Variants in FAM204A observed in about 807,000 individuals in gnomAD.
FAM204A encodes protein FAM204A.
Under a neutral mutation model 35.4 loss-of-function variants are expected in FAM204A, and 16 were observed. That is an observed-to-expected ratio of 0.45 (90% confidence interval 0.31 to 0.69). The LOEUF is 0.69. Among genes scored for constraint, FAM204A ranks in the 30% least tolerant of loss-of-function variants. The probability of loss-of-function intolerance (pLI) is 0.07; values close to 1 mark genes in which losing one functional copy is unlikely to be tolerated. For synonymous variants in FAM204A, 76 were observed against 86.9 expected, an observed-to-expected ratio of 0.88 and a Z score of 0.70; for missense variants, 240 against 265.7, an observed-to-expected ratio of 0.90 and a Z score of 0.67.
intron 4 of FAM204A, 30 bp downstream of exon 4, chr10:118,335,524 C>T (rs753394196): frequency 8.1e-5 from 130 of 1,597,002 alleles, no homozygotes; most frequent in Non-Finnish European, 9.6e-5. Context: ...AGCATTAGCA[C>T]GACGAACAAC....
chr10:118,336,086 T>A, intron 3 of FAM204A, 96 bp downstream of exon 3: 1 of 1,404,168 alleles, frequency 7.1e-7, no homozygotes, highest in Non-Finnish European at 9.6e-7. Flanking sequence ...CCCTGTTAAG[T>A]CCCAAGAATA....
At position 118,306,929 on chromosome 10, in the gene FAM204A, T is replaced by A. The variant is rs145754048; in HGVS notation, c.*3928A>T. 4.8e-4 allele frequency: 73 copies of A among 152,208 alleles called. No individual in the cohort carries two copies. Among genetic ancestry groups the A allele is most frequent in the African/African-American group, 1.7e-3 (72 of 41,524 alleles). The allele number at this position is 152,208 out of a possible 1,614,324, so 9.4% of individuals were successfully genotyped here. A position where few individuals can be genotyped will look rare whatever the true frequency, so the allele number is the denominator to read the frequency against. ...CAAGCAGTGTGGAGGGAGGATGAAA[T>A]AATAAAGATTAAAGAATGCAGTTCT... On this transcript the variant is annotated 3_prime_UTR_variant, in exon 9 of 9. Coordinates refer to ENST00000369183, the MANE Select transcript of FAM204A (RefSeq NM_022063.3).
chr10:118,339,284 G>C (rs1846436763), intron 2 of FAM204A, among the ~76,000 whole-genome samples: 1 of 152,190 alleles, frequency 6.6e-6, no homozygotes, highest in South Asian at 2.1e-4. Flanking sequence ...CCAATATGGA[G>C]TGGCTGCTTA....
In FAM204A at chr10:118,308,962, C is replaced by T. The variant is rs1251001483; in HGVS notation, c.*1895G>A. 7 of 151,900 alleles carry T rather than the reference C, an allele frequency of 4.6e-5. No individual in the cohort carries two copies. In the East Asian group the frequency reaches 5.8e-4, roughly 13 times the overall value. The allele number at this position is 151,900 out of a possible 1,614,324, so 9.4% of individuals were successfully genotyped here. A position where few individuals can be genotyped will look rare whatever the true frequency, so the allele number is the denominator to read the frequency against. On this transcript the variant is annotated 3_prime_UTR_variant, in exon 9 of 9. Transcript: ENST00000369183. ...CAAGTGTGAGAATATCTATACCACTCGCCTGCTCAAAAATAACATTTTTAG... is the reference window on the plus strand; with the variant it reads ...CAAGTGTGAGAATATCTATACCACTTGCCTGCTCAAAAATAACATTTTTAG...
chr10:118,298,582 C>T lies in FAM204A; in HGVS notation c.*12275G>A, dbSNP rs1845774007. On this transcript the variant is annotated 3_prime_UTR_variant, in exon 9 of 9. Coordinates refer to ENST00000369183, the MANE Select transcript of FAM204A (RefSeq NM_022063.3). Reference sequence around the variant, plus strand: ...TAGAACTCCATTTTACCACCTCTGACATCCACTCTTTGCCGATAGAGAAAC... The same window carrying T: ...TAGAACTCCATTTTACCACCTCTGATATCCACTCTTTGCCGATAGAGAAAC... The T allele has an allele frequency of 6.6e-6, 1 of 152,246 alleles. No individual in the cohort carries two copies. The highest frequency in any genetic ancestry group is 6.5e-5 in the Admixed American group (1 of 15,290). The allele number at this position is 152,246 out of a possible 1,614,324, so 9.4% of individuals were successfully genotyped here.
At position 118,299,123 on chromosome 10, in the gene FAM204A, C is replaced by G. The variant is rs1845780407; in HGVS notation, c.*11734G>C. On this transcript the variant is annotated 3_prime_UTR_variant, in exon 9 of 9. Coordinates refer to ENST00000369183, the MANE Select transcript of FAM204A (RefSeq NM_022063.3). ...GGGCAGCAGATCATTCCTTTTTCAGCTTCCAAATGGGGAAAACTGTCTGCC... is the reference window on the plus strand; with the variant it reads ...GGGCAGCAGATCATTCCTTTTTCAGGTTCCAAATGGGGAAAACTGTCTGCC... 1 of 152,202 alleles carries G rather than the reference C, an allele frequency of 6.6e-6. No homozygotes were observed. Among genetic ancestry groups the G allele is most frequent in the Non-Finnish European group, 1.5e-5 (1 of 68,074 alleles). 9.4% of individuals were successfully genotyped at this position (152,202 alleles called of 1,614,324 possible). A position where few individuals can be genotyped will look rare whatever the true frequency, so the allele number is the denominator to read the frequency against.
At chr10:118,326,383 AC>A (rs1302941301) in intron 6 of FAM204A, 140 bp from the exon 7 acceptor site, 13 of 706,432 alleles carry the variant, frequency 1.8e-5, no homozygotes, top group Non-Finnish European at 2.8e-5. Context: ...GGTAGCTGCT[AC>A]CATTCCCATT....
intron 7 of FAM204A, among the ~76,000 whole-genome samples, chr10:118,321,896 C>T (rs1027565615): frequency 4.6e-5 from 7 of 152,012 alleles, no homozygotes; most frequent in African/African-American, 1.7e-4. Flanking sequence ...CATATGCAAC[C>T]GCTGGTGGGC....
intron 6 of FAM204A, among the ~76,000 whole-genome samples, chr10:118,334,366 A>G (rs1846345375): frequency 6.6e-6 from 1 of 152,288 alleles, no homozygotes; most frequent in Non-Finnish European, 1.5e-5. Context: ...CAAGCAATCC[A>G]GAGGCAAGTA....
At chr10:118,328,415 G>T (rs1846232915) in intron 6 of FAM204A, among the ~76,000 whole-genome samples, 1 of 151,848 alleles carries the variant, frequency 6.6e-6, no homozygotes, top group African/African-American at 2.4e-5. Context: ...TGCTGGAAAT[G>T]CAAATTCTGT....
At position 118,308,561 on chromosome 10, in the gene FAM204A, C is replaced by T. The variant is rs965227985; in HGVS notation, c.*2296G>A. 3 of 152,212 alleles carry T rather than the reference C, an allele frequency of 2.0e-5. No individual in the cohort carries two copies. The highest frequency in any genetic ancestry group is 2.4e-5 in the African/African-American group (1 of 41,446). The allele number at this position is 152,212 out of a possible 1,614,324, so 9.4% of individuals were successfully genotyped here. A position where few individuals can be genotyped will look rare whatever the true frequency, so the allele number is the denominator to read the frequency against. ...CAACCCCTTCTTCTGCTACACATAA[C>T]GTTTTAGAGCTTTCCACAACCCATG... is the stretch of plus-strand genomic sequence containing the variant. On this transcript the variant is annotated 3_prime_UTR_variant, in exon 9 of 9. Coordinates refer to ENST00000369183, the MANE Select transcript of FAM204A (RefSeq NM_022063.3).
At chr10:118,321,820 GCTTCA>G (rs1419837677) in intron 7 of FAM204A, among the ~76,000 whole-genome samples, 1 of 150,512 alleles carries the variant, frequency 6.6e-6, no homozygotes, top group East Asian at 2.0e-4. Context: ...TTGACAAACA[GCTTCA>G]AACTGCACAT....
chr10:118,338,001 G>A (rs1181492059), intron 2 of FAM204A, among the ~76,000 whole-genome samples: 1 of 152,184 alleles, frequency 6.6e-6, no homozygotes, highest in Non-Finnish European at 1.5e-5. Flanking sequence ...GATGTGAAGT[G>A]TCTATAACAA....
At chr10:118,328,069 C>T (rs920776855) in intron 6 of FAM204A, among the ~76,000 whole-genome samples, 33 of 152,182 alleles carry the variant, frequency 2.2e-4, no homozygotes, top group African/African-American at 7.0e-4. Flanking sequence ...CATTCAGGCA[C>T]ACACTCCTTA....
chr10:118,306,396 A>G lies in FAM204A; in HGVS notation c.*4461T>C, dbSNP rs1845865698. The G allele has an allele frequency of 2.6e-5, 4 of 152,346 alleles. No individual in the cohort carries two copies. The South Asian group carries it at 8.3e-4, about 32-fold the overall frequency. The allele number at this position is 152,346 out of a possible 1,614,324, so 9.4% of individuals were successfully genotyped here. On this transcript the variant is annotated 3_prime_UTR_variant, in exon 9 of 9. Transcript: ENST00000369183. ...AAACCTGGTCCGGATATAAAAGCAC[A>G]TACTTAAATTCAATTTCTTAAAAAT...
intron 7 of FAM204A, among the ~76,000 whole-genome samples, chr10:118,323,887 A>C (rs1846157705): frequency 6.6e-6 from 1 of 152,172 alleles, no homozygotes; most frequent in South Asian, 2.1e-4. Flanking sequence ...TCCAAGTGCC[A>C]AAAGAGTCTA....
chr10:118,327,430 C>T (rs982696738), intron 6 of FAM204A, among the ~76,000 whole-genome samples: 1 of 152,192 alleles, frequency 6.6e-6, no homozygotes, highest in African/African-American at 2.4e-5. Flanking sequence ...TTAATACCTG[C>T]AAGGCCAACA....
At chr10:118,337,106 A>G (rs2133294133) in intron 2 of FAM204A, 1 of 323,122 alleles carries the variant, frequency 3.1e-6, no homozygotes, top group South Asian at 1.2e-4. Context: ...GTCAAGTTCA[A>G]GATAATATTT....
intron 7 of FAM204A, among the ~76,000 whole-genome samples, chr10:118,325,411 G>C (rs1246941677): frequency 6.6e-6 from 1 of 151,944 alleles, no homozygotes; most frequent in Admixed American, 6.6e-5. Flanking sequence ...AAACACTATG[G>C]AGTAGTTAAA....
Sources: gnomAD v4.1 joint callset for allele counts (sites outside exome capture counted in the v4.1 genomes callset) on GRCh38, gnomAD v4.1.1 for gene constraint, MANE v1.5 for transcripts, NCBI Gene and HGNC (gene_info 2026-07-23, HGNC 2026-07-21) for gene names.